Variants in CTNNA3 observed in about 807,000 individuals in gnomAD.
CTNNA3 encodes catenin alpha-3.
CTNNA3 carries 76 observed loss-of-function variants against 95.7 expected under a neutral mutation model. The observed-to-expected ratio is 0.79, with a 90% confidence interval of 0.66 to 0.96. The LOEUF (loss-of-function observed/expected upper bound fraction) is 0.96. Among genes scored for constraint, CTNNA3 ranks in the 40% least tolerant of loss-of-function variants. CTNNA3 has a pLI of 0.00. For missense variants in CTNNA3, 1,191 were observed against 1,089.8 expected, an observed-to-expected ratio of 1.09 and a Z score of -1.31; for synonymous variants, 431 against 374.4, an observed-to-expected ratio of 1.15 and a Z score of -1.74.
intron 12 of CTNNA3, among the ~76,000 whole-genome samples, chr10:66,317,352 G>A (rs1398414895): frequency 1.3e-5 from 2 of 152,028 alleles, no homozygotes; most frequent in East Asian, 3.9e-4. Flanking sequence ...GTTTGTTTAT[G>A]ATACAGTTTT....
chr10:66,738,165 T>C (rs866343901), intron 9 of CTNNA3, among the ~76,000 whole-genome samples: 15 of 152,356 alleles, frequency 9.8e-5, no homozygotes, highest in Middle Eastern at 3.4e-3. Flanking sequence ...ATTATTCTTT[T>C]TGGTCAGTTT....
intron 10 of CTNNA3, among the ~76,000 whole-genome samples, chr10:66,547,485 G>A (rs569959655): frequency 6.6e-6 from 1 of 151,288 alleles, no homozygotes; most frequent in Admixed American, 6.6e-5. Flanking sequence ...TGGGACTACA[G>A]GCGCCCGCCA....
intron 7 of CTNNA3, among the ~76,000 whole-genome samples, chr10:67,056,295 C>T (rs1855424488): frequency 6.6e-6 from 1 of 152,088 alleles, no homozygotes; most frequent in Non-Finnish European, 1.5e-5. Flanking sequence ...TTGGGAATTC[C>T]TTTGGTTTGG....
chr10:66,140,523 T>C (rs1306677573), intron 13 of CTNNA3, among the ~76,000 whole-genome samples: 2 of 152,230 alleles, frequency 1.3e-5, no homozygotes, highest in Non-Finnish European at 2.9e-5. Flanking sequence ...TCTAATGATT[T>C]AAGCCCTATT....
intron 7 of CTNNA3, among the ~76,000 whole-genome samples, chr10:67,119,967 T>C (rs1197919075): frequency 6.6e-6 from 1 of 151,824 alleles, no homozygotes; most frequent in Non-Finnish European, 1.5e-5. Context: ...AACCAAATAG[T>C]GTTTCTAAAA....
rs77987991 is a variant in CTNNA3 at position 66,065,153 on chromosome 10, G to T, written c.2159+4155C>A. Among the ~76,000 whole-genome samples the T allele has an allele frequency of 5.0e-3, 754 of 152,232 alleles. 23 individuals are homozygous for T. Among genetic ancestry groups the T allele is most frequent in the East Asian group, 0.043 (224 of 5,172 alleles). On this transcript the variant is annotated intron_variant, in intron 15 of 17. Transcript: ENST00000433211. ...TCTTTACCCTGGGTGGCCAAAAAAG[G>T]CTAATCTGATTCTCAGCTCATTCAT...
intron 7 of CTNNA3, chr10:67,012,905 A>T (rs781407646): frequency 1.3e-5 from 2 of 152,194 alleles, no homozygotes; most frequent in Non-Finnish European, 2.9e-5. Flanking sequence ...ATCATTAATT[A>T]GCAGCAAAGA....
chr10:66,674,917 A>G (rs1285030968), intron 9 of CTNNA3, among the ~76,000 whole-genome samples: 1 of 152,164 alleles, frequency 6.6e-6, no homozygotes, highest in African/African-American at 2.4e-5. Flanking sequence ...AAGCAAAGTT[A>G]AAGTGGGTAG....
At chr10:66,604,350 C>G (rs973163724) in intron 10 of CTNNA3, among the ~76,000 whole-genome samples, 2 of 152,120 alleles carry the variant, frequency 1.3e-5, no homozygotes, top group African/African-American at 4.8e-5. Flanking sequence ...AGGGGCCCCC[C>G]GTTCCCCTGA....
At chr10:66,919,549 T>C (rs1564766514) in intron 7 of CTNNA3, among the ~76,000 whole-genome samples, 1 of 152,180 alleles carries the variant, frequency 6.6e-6, no homozygotes, top group Non-Finnish European at 1.5e-5. Context: ...GGGAGACATG[T>C]TGGATAACCT....
chr10:67,003,597 C>A (rs200960358), intron 7 of CTNNA3, among the ~76,000 whole-genome samples: 2 of 152,162 alleles, frequency 1.3e-5, no homozygotes, highest in Admixed American at 1.3e-4. Flanking sequence ...ATTTAACTCA[C>A]GCAATTGCAA....
At chr10:66,953,148 C>T (rs1183397110) in intron 7 of CTNNA3, among the ~76,000 whole-genome samples, 1 of 152,080 alleles carries the variant, frequency 6.6e-6, no homozygotes, top group African/African-American at 2.4e-5. Context: ...TAAACCTGAC[C>T]CAGTTGAGCC....
chr10:67,504,452 A>AAAC (rs1554845821), intron 5 of CTNNA3, among the ~76,000 whole-genome samples: 1 of 149,028 alleles, frequency 6.7e-6, no homozygotes, highest in Non-Finnish European at 1.5e-5. Context: ...AAAAAAAAAA[A>AAAC]AAAAAAAACA....
chr10:67,390,498 C>T (rs1176205143), intron 5 of CTNNA3, among the ~76,000 whole-genome samples: 1 of 152,060 alleles, frequency 6.6e-6, no homozygotes, highest in African/African-American at 2.4e-5. Flanking sequence ...TGGTACCATT[C>T]CTACTGAAAC....
chr10:67,149,077 A>G (rs551666465), intron 7 of CTNNA3, among the ~76,000 whole-genome samples: 1 of 152,344 alleles, frequency 6.6e-6, no homozygotes, highest in Admixed American at 6.5e-5. Context: ...GGGGCCTGAC[A>G]TAAAATATAT....
At chr10:66,982,862 C>T (rs1850518592) in intron 7 of CTNNA3, among the ~76,000 whole-genome samples, 1 of 152,142 alleles carries the variant, frequency 6.6e-6, no homozygotes, top group South Asian at 2.1e-4. Context: ...TGAAGTCCTT[C>T]AGCTGACCTG....
intron 7 of CTNNA3, among the ~76,000 whole-genome samples, chr10:67,077,880 T>C (rs1375747261): frequency 2.6e-5 from 4 of 152,172 alleles, no homozygotes; most frequent in African/African-American, 9.7e-5. Flanking sequence ...ATAGAAATCT[T>C]TTTATCTAGA....
At chr10:67,627,886 T>C (rs548536016) in intron 2 of CTNNA3, among the ~76,000 whole-genome samples, 1 of 151,932 alleles carries the variant, frequency 6.6e-6, no homozygotes, top group South Asian at 2.1e-4. Flanking sequence ...TAAACAACTA[T>C]GTATGGAGTA....
At chr10:67,558,782 C>G (rs1589423974) in intron 3 of CTNNA3, among the ~76,000 whole-genome samples, 1 of 152,224 alleles carries the variant, frequency 6.6e-6, no homozygotes. Context: ...TCACTCCCAC[C>G]CTAATACTGC....
Sources: gnomAD v4.1 joint callset for allele counts (sites outside exome capture counted in the v4.1 genomes callset) on GRCh38, gnomAD v4.1.1 for gene constraint, MANE v1.5 for transcripts, NCBI Gene and HGNC (gene_info 2026-07-23, HGNC 2026-07-21) for gene names.